ZNF66: variants seen among roughly 807,000 people sequenced by gnomAD.
ZNF66 encodes putative zinc finger protein 66.
In ZNF66, 32 loss-of-function variants were observed where a neutral mutation model predicts 35.2. The observed-to-expected ratio is 0.91, with a 90% CI of 0.69 to 1.22. The LOEUF is 1.22. Ranked by LOEUF, ZNF66 falls within the 50% of genes most tolerant of loss-of-function variation. The probability of loss-of-function intolerance (pLI) is 0.00; values close to 1 mark genes in which losing one functional copy is unlikely to be tolerated. For missense variants in ZNF66, 666 were observed against 543.1 expected (o/e 1.23, Z -2.25); for synonymous variants, 231 against 181.3 (o/e 1.27, Z -2.20).
Position 20,808,058 on chromosome 19 carries a change from A to G in ZNF66, c.*736A>G, listed in dbSNP as rs1377939503. On this transcript the variant is annotated 3_prime_UTR_variant, in exon 4 of 4. Transcript: ENST00000344519. ...CTTAAAAAATGGCACACCAGATTAT[A>G]TCCTGCAGCTGGCTCAGAGGGTCCT... Among the ~76,000 whole-genome samples the G allele has an allele frequency of 6.6e-6, 1 of 152,158 alleles. No homozygotes were observed. Among genetic ancestry groups the G allele is most frequent in the Non-Finnish European group, 1.5e-5 (1 of 68,020 alleles).
intron 3 of ZNF66, among the ~76,000 whole-genome samples, chr19:20,801,453 C>G (rs904337022): frequency 7.9e-5 from 12 of 151,782 alleles, no homozygotes; most frequent in Non-Finnish European, 1.6e-4. Context: ...AAGTGATTCT[C>G]CTGCCTCAGC....
At chr19:20,782,353 A>G (rs1041407797) in intron 1 of ZNF66, among the ~76,000 whole-genome samples, 10 of 152,226 alleles carry the variant, frequency 6.6e-5, no homozygotes, top group African/African-American at 2.4e-4. Flanking sequence ...ATGTGTCTTT[A>G]TAATATAATA....
intron 1 of ZNF66, chr19:20,784,785 AATTT>A (rs1971272808): frequency 6.6e-6 from 1 of 152,178 alleles, no homozygotes; most frequent in East Asian, 1.9e-4. Context: ...TTTCGAGAGA[AATTT>A]ATTTTAGGAG....
chr19:20,787,036 C>T (rs1466311940), intron 1 of ZNF66, among the ~76,000 whole-genome samples: 4 of 152,210 alleles, frequency 2.6e-5, no homozygotes, highest in Admixed American at 2.0e-4. Context: ...GCTGGGATTA[C>T]AGGCTTGAGC....
intron 1 of ZNF66, among the ~76,000 whole-genome samples, chr19:20,787,669 C>G (rs150844456): frequency 6.6e-4 from 100 of 152,302 alleles, no homozygotes; most frequent in African/African-American, 2.1e-3. Context: ...GAAATAGAAT[C>G]TGATGGCAGA....
intron 1 of ZNF66, among the ~76,000 whole-genome samples, chr19:20,787,088 A>G (rs1057212518): frequency 6.6e-6 from 1 of 152,132 alleles, no homozygotes; most frequent in African/African-American, 2.4e-5. Context: ...ACCCTAAACC[A>G]TTATGATATA....
chr19:20,792,755 G>T, intron 2 of ZNF66, 117 bp downstream of exon 2: 1 of 665,198 alleles, frequency 1.5e-6, no homozygotes, highest in Admixed American at 3.5e-5. Flanking sequence ...AGTTTTTCAA[G>T]AAAATCTTCA....
At chr19:20,800,070 G>T (rs1356010451) in intron 3 of ZNF66, among the ~76,000 whole-genome samples, 2 of 152,176 alleles carry the variant, frequency 1.3e-5, no homozygotes, top group Non-Finnish European at 2.9e-5. Flanking sequence ...AGGCTCCAAT[G>T]CAGTGGCATA....
intron 3 of ZNF66, among the ~76,000 whole-genome samples, chr19:20,795,047 A>AT (rs1268451697): frequency 4.0e-5 from 6 of 150,950 alleles, no homozygotes; most frequent in Non-Finnish European, 5.9e-5. Context: ...ACTTTTTTGT[A>AT]TTTTTTTGGT....
chr19:20,779,507 T>C (rs914939275), intron 1 of ZNF66, among the ~76,000 whole-genome samples: 13 of 151,352 alleles, frequency 8.6e-5, no homozygotes, highest in African/African-American at 2.9e-4. Context: ...GGGAGGGAAA[T>C]AAACTTAAGA....
At position 20,778,478 on chromosome 19, in the gene ZNF66, A is replaced by G. The variant is rs183899058; in HGVS notation, c.3+2028A>G. On this transcript the variant is annotated intron_variant, in intron 1 of 3. Transcript: ENST00000344519. ...AAGTAGATATATATGCTTTTCTTAT[A>G]GGGGTATAAAATGCAAGCATCTTAG... Among the ~76,000 whole-genome samples, 41 of 152,322 alleles carry G rather than the reference A, an allele frequency of 2.7e-4. No individual in the cohort carries two copies. The East Asian group carries it at 5.4e-3, about 20-fold the overall frequency.
intron 3 of ZNF66, 103 bp downstream of exon 3, chr19:20,793,981 A>G: frequency 3.2e-6 from 2 of 619,426 alleles, no homozygotes; most frequent in Admixed American, 3.3e-5. Flanking sequence ...TGTGTTCCAA[A>G]GGAACTTCTG....
rs756010840 is a variant in ZNF66, at chr19:20,806,885, G to C, written c.1285G>C (p.Glu429Gln). 3 of 1,347,532 alleles carry C rather than the reference G, an allele frequency of 2.2e-6. No homozygotes were observed. Among genetic ancestry groups the C allele is most frequent in the Non-Finnish European group, 3.2e-6 (3 of 939,052 alleles). The allele number at this position is 1,347,532 out of a possible 1,614,324, so 83.5% of individuals were successfully genotyped here. A position where few individuals can be genotyped will look rare whatever the true frequency, so the allele number is the denominator to read the frequency against. ...HTGEKPYKCEECGKAFSRSSI... is the reference protein window; with the variant it reads ...HTGEKPYKCEQCGKAFSRSSI... ...TGGAGAGAAACCCTACAAATGTGAA[G>C]AATGTGGCAAAGCCTTCAGTCGGTC... The change falls in exon 4 of 4, where the codon GAA becomes CAA. Residue 429 changes from glutamate to glutamine, a missense_variant. By Grantham distance (29) the Glu-to-Gln change is conservative (BLOSUM62 2). Coordinates refer to ENST00000344519, the MANE Select transcript of ZNF66 (RefSeq NM_001355197.2).
In ZNF66 at chr19:20,805,849, A is replaced by G; in HGVS notation, c.249A>G (p.Gln83=). Residue 83 remains glutamine (Q), a synonymous_variant, in exon 4 of 4, where the codon CAA becomes CAG. Transcript: ENST00000344519. ...NPSVLCSHFN[Q]DLWPEQSIKD... is the part of the protein sequence containing the mutation. ...CAGTTTTGTGTTCTCATTTTAACCA[A>G]GACCTTTGGCCAGAGCAGAGCATAA... The G allele has an allele frequency of 1.7e-6, 1 of 577,796 alleles. No individual in the cohort carries two copies. Among genetic ancestry groups the G allele is most frequent in the Non-Finnish European group, 3.1e-6 (1 of 319,668 alleles). The allele number at this position is 577,796 out of a possible 1,614,324, so 35.8% of individuals were successfully genotyped here.
chr19:20,786,503 G>A (rs1599547416), intron 1 of ZNF66, among the ~76,000 whole-genome samples: 1 of 152,210 alleles, frequency 6.6e-6, no homozygotes, highest in African/African-American at 2.4e-5. Context: ...AAACGTACAG[G>A]TAATACCTGC....
At chr19:20,787,546 G>A (rs183181768) in intron 1 of ZNF66, among the ~76,000 whole-genome samples, 111 of 152,266 alleles carry the variant, frequency 7.3e-4, no homozygotes, top group East Asian at 7.7e-4. Flanking sequence ...CATTTTCTGC[G>A]TTGTGAGATG....
chr19:20,806,512 G>T lies in ZNF66; in HGVS notation c.912G>T (p.Lys304Asn), dbSNP rs142649158. 388 of 1,524,868 alleles carry T rather than the reference G, an allele frequency of 2.5e-4. 2 individuals carry two copies. The African/African-American group carries it at 4.9e-3, about 19-fold the overall frequency. The allele number at this position is 1,524,868 out of a possible 1,614,324, so 94.5% of individuals were successfully genotyped here. A position where few individuals can be genotyped will look rare whatever the true frequency, so the allele number is the denominator to read the frequency against. The part of the protein sequence containing the change: ...FKYLSSLSTH[K>N]IIHTGEKPYK... ...ACCTTTCTTCCCTTTCTACACATAA[G>T]ATAATTCATACTGGAGAGAAACCCT... The change falls in exon 4 of 4, where the codon AAG becomes AAT. Residue 304 changes from lysine (K) to asparagine (N), a missense_variant. Transcript: ENST00000344519.
rs957790940 is a variant in ZNF66, at chr19:20,809,619, C to G, written c.*2297C>G. 6.6e-6 allele frequency among the ~76,000 whole-genome samples: 1 copy of G among 151,764 alleles called. No homozygotes were observed. The highest frequency in any genetic ancestry group is 1.5e-5 in the Non-Finnish European group (1 of 67,890). ...AAGGAGAAATAAAATACTTTACAGA[C>G]AAGCAAATGCTGAGAGATTTTGTCA... On this transcript the variant is annotated 3_prime_UTR_variant, in exon 4 of 4. Coordinates refer to ENST00000344519, the MANE Select transcript of ZNF66 (RefSeq NM_001355197.2).
chr19:20,787,185 T>C (rs1264441895), intron 1 of ZNF66, among the ~76,000 whole-genome samples: 1 of 152,226 alleles, frequency 6.6e-6, no homozygotes, highest in Non-Finnish European at 1.5e-5. Flanking sequence ...CCCTCTGTTG[T>C]TGTCTTTACA....
Sources: allele counts gnomAD v4.1 joint callset (sites outside exome capture counted in the v4.1 genomes callset), GRCh38; gene constraint gnomAD v4.1.1; transcripts MANE v1.5; gene names NCBI Gene and HGNC (gene_info 2026-07-23, HGNC 2026-07-21).